MAPKAPK5: variants seen among roughly 807,000 people sequenced by gnomAD.
MAPKAPK5 encodes the protein MAPK activated protein kinase 5, also known as MAP kinase-activated protein kinase 5.
In MAPKAPK5, 30 loss-of-function variants were observed where a neutral mutation model predicts 65.1. The observed-to-expected ratio is 0.46, with a 90% CI of 0.34 to 0.63. The LOEUF (loss-of-function observed/expected upper bound fraction) is 0.63. MAPKAPK5 is among the 20% of genes least tolerant of loss of function. MAPKAPK5 has a pLI of 0.01. For synonymous variants in MAPKAPK5, 179 were observed against 204.6 expected, an observed-to-expected ratio of 0.87 and a Z score of 1.07; for missense variants, 433 against 581.4, an observed-to-expected ratio of 0.74 and a Z score of 2.63.
chr12:111,842,710 C>T lies in MAPKAPK5; in HGVS notation c.-24C>T. On this transcript the variant is annotated 5_prime_UTR_variant, in exon 1 of 14. Coordinates refer to ENST00000550735, the MANE Select transcript of MAPKAPK5 (RefSeq NM_003668.4). ...GGCTGCTGAGCAGCCTCCGCCTCTC[C>T]CGGCTGTGGGGGCCCCACTGAGTAT... 1 of 1,372,928 alleles carries T rather than the reference C, an allele frequency of 7.3e-7. No homozygotes were observed. Among genetic ancestry groups the T allele is most frequent in the Non-Finnish European group, 9.5e-7 (1 of 1,057,556 alleles). 85.0% of individuals were successfully genotyped at this position (1,372,928 alleles called of 1,614,324 possible).
chr12:111,864,608 T>C (rs568517151), intron 1 of MAPKAPK5, among the ~76,000 whole-genome samples: 15 of 152,350 alleles, frequency 9.8e-5, no homozygotes, highest in African/African-American at 3.1e-4. Flanking sequence ...AAGAATTCCA[T>C]TACAACTTTC....
rs150741160 is a variant in MAPKAPK5, at chr12:111,856,811, A to G, written c.37-8439A>G. Among the ~76,000 whole-genome samples, 536 of 152,306 alleles carry G rather than the reference A, an allele frequency of 3.5e-3. 4 individuals carry two copies. The highest frequency in any genetic ancestry group is 0.012 in the African/African-American group (510 of 41,556). ...TTATTTGTTTATGCAGTTAAATCTT[A>G]TGTGTTTTAAATAAGAGAGAAAGGA... On this transcript the variant is annotated intron_variant, in intron 1 of 13. Transcript: ENST00000550735.
intron 11 of MAPKAPK5, 106 bp from the exon 12 acceptor site, chr12:111,888,779 G>A: frequency 6.6e-7 from 1 of 1,520,116 alleles, no homozygotes; most frequent in Non-Finnish European, 8.9e-7. Flanking sequence ...GGACACTATT[G>A]TTATTTTTCT....
chr12:111,895,986 G>C lies in MAPKAPK5; in HGVS notation c.*2925G>C, dbSNP rs2070797795. On this transcript the variant is annotated 3_prime_UTR_variant, in exon 14 of 14. Coordinates refer to ENST00000550735, the MANE Select transcript of MAPKAPK5 (RefSeq NM_003668.4). ...TCTTACAGATCACTTCTTACAGTTA[G>C]GAATACTGCACTTGTTTGTGTAATA... is the stretch of plus-strand genomic sequence containing the variant. 1 of 152,068 alleles carries C rather than the reference G, an allele frequency of 6.6e-6. No homozygotes were observed. Among genetic ancestry groups the C allele is most frequent in the African/African-American group, 2.4e-5 (1 of 41,402 alleles). The allele number at this position is 152,068 out of a possible 1,614,324, so 9.4% of individuals were successfully genotyped here.
At chr12:111,884,565 G>A (rs1188336623) in intron 9 of MAPKAPK5, among the ~76,000 whole-genome samples, 1 of 152,228 alleles carries the variant, frequency 6.6e-6, no homozygotes, top group Non-Finnish European at 1.5e-5. Flanking sequence ...CTAGTGAGTG[G>A]ATGAGGGAGA....
At chr12:111,850,945 C>CTGGAG (rs2069061484) in intron 1 of MAPKAPK5, among the ~76,000 whole-genome samples, 1 of 148,936 alleles carries the variant, frequency 6.7e-6, no homozygotes, top group Non-Finnish European at 1.5e-5. Context: ...GTGGCCCAGG[C>CTGGAG]TGGAGTGCAG....
rs972118201 is a variant in MAPKAPK5 at position 111,888,379 on chromosome 12, G to A, written c.970-109G>A. On this transcript the variant is annotated intron_variant, in intron 10 of 13. Coordinates refer to ENST00000550735, the MANE Select transcript of MAPKAPK5 (RefSeq NM_003668.4). ...ATATTTATATTCCTTCAGCATAAGA[G>A]TGAAATTACCTTCTTAGTACTTTGA... The A allele has an allele frequency of 3.5e-6, 5 of 1,428,040 alleles. No homozygotes were observed. The African/African-American group carries it at 7.2e-5, about 20-fold the overall frequency. The allele number at this position is 1,428,040 out of a possible 1,614,324, so 88.5% of individuals were successfully genotyped here.
intron 7 of MAPKAPK5, among the ~76,000 whole-genome samples, chr12:111,872,512 T>C (rs1338225256): frequency 3.3e-5 from 5 of 152,220 alleles, no homozygotes; most frequent in Non-Finnish European, 5.9e-5. Context: ...ACAGGTTCTT[T>C]GCCATATGTA....
rs1393643453 is a variant in MAPKAPK5 at position 111,893,086 on chromosome 12, T to TAACA, written c.*27_*30dup. On this transcript the variant is annotated 3_prime_UTR_variant, in exon 14 of 14. Transcript: ENST00000550735. ...ATGACAGCTTCAGACTTTGTTTTTTTAACAATTTGAAAAATTATTCTTTAA... is the reference window on the plus strand; with the variant it reads ...ATGACAGCTTCAGACTTTGTTTTTTTAACAAACAATTTGAAAAATTATTCTTTAA... The TAACA allele has an allele frequency of 6.8e-6, 10 of 1,480,932 alleles. No homozygotes were observed. The highest frequency in any genetic ancestry group is 2.3e-5 in the Admixed American group (1 of 43,370). 91.7% of individuals were successfully genotyped at this position (1,480,932 alleles called of 1,614,324 possible).
At position 111,892,859 on chromosome 12, in the gene MAPKAPK5, GT is replaced by G. The variant is rs373128444; in HGVS notation, c.1322-107del. Reference sequence around the variant, plus strand: ...AGTGGTGGGGGTGGTTCCCCCACTGGTGAGGGTGAATTTGATACTGGTAAGG... The same window carrying G: ...AGTGGTGGGGGTGGTTCCCCCACTGGGAGGGTGAATTTGATACTGGTAAGG... On this transcript the variant is annotated intron_variant, in intron 13 of 13. Transcript: ENST00000550735. 1,155 of 675,742 alleles carry G rather than the reference GT, an allele frequency of 1.7e-3. 4 individuals are homozygous for G. The African/African-American group carries it at 0.018, about 10-fold the overall frequency. The allele number at this position is 675,742 out of a possible 1,614,324, so 41.9% of individuals were successfully genotyped here.
intron 1 of MAPKAPK5, among the ~76,000 whole-genome samples, chr12:111,852,638 C>T (rs1770121444): frequency 6.6e-6 from 1 of 152,106 alleles, no homozygotes; most frequent in African/African-American, 2.4e-5. Context: ...TTAACCTTCA[C>T]GTTGTTCAAG....
Position 111,899,863 on chromosome 12 carries a change from A to T in MAPKAPK5, c.*6802A>T. ...ATGTGTTATACACCATGGCACATCAAGCGTGAGTCTCCTGTGGTGTCTACT... is the reference window on the plus strand; with the variant it reads ...ATGTGTTATACACCATGGCACATCATGCGTGAGTCTCCTGTGGTGTCTACT... On this transcript the variant is annotated 3_prime_UTR_variant, in exon 14 of 14. Transcript: ENST00000550735. 1 of 454,428 alleles carries T rather than the reference A, an allele frequency of 2.2e-6. No homozygotes were observed. Among genetic ancestry groups the T allele is most frequent in the Non-Finnish European group, 4.4e-6 (1 of 225,406 alleles). The allele number at this position is 454,428 out of a possible 1,614,324, so 28.1% of individuals were successfully genotyped here.
At chr12:111,853,741 G>T (rs570632854) in intron 1 of MAPKAPK5, among the ~76,000 whole-genome samples, 1 of 152,214 alleles carries the variant, frequency 6.6e-6, no homozygotes, top group South Asian at 2.1e-4. Context: ...CATCTTGTTG[G>T]TCAGGCTGGT....
Position 111,883,262 on chromosome 12 carries a change from C to G in MAPKAPK5, c.661-319C>G, listed in dbSNP as rs1171883620. 6.6e-6 allele frequency among the ~76,000 whole-genome samples: 1 copy of G among 152,078 alleles called. No individual in the cohort carries two copies. The highest frequency in any genetic ancestry group is 1.5e-5 in the Non-Finnish European group (1 of 68,006). On this transcript the variant is annotated intron_variant, in intron 8 of 13. Transcript: ENST00000550735. This position sits in a 1 kb window ranked among gnomAD's most constrained non-coding sequence, Gnocchi z 4.8. ...GGCATGGTGGCACATGCCTGTAATC[C>G]CAGCTACTCAGGAGGCTGAGGCAGG...
intron 2 of MAPKAPK5, among the ~76,000 whole-genome samples, chr12:111,865,680 AC>A (rs1310678578): frequency 2.0e-5 from 3 of 151,804 alleles, no homozygotes; most frequent in African/African-American, 4.8e-5. Flanking sequence ...TCCTAAAGAT[AC>A]AAAAATTAGC....
At chr12:111,884,242 G>A (rs796698854) in intron 9 of MAPKAPK5, among the ~76,000 whole-genome samples, 1 of 152,132 alleles carries the variant, frequency 6.6e-6, no homozygotes, top group Non-Finnish European at 1.5e-5. Context: ...ATGGAGTCTC[G>A]CTCTGTTGCC....
At chr12:111,843,309 A>G (rs147552398) in intron 1 of MAPKAPK5, 13 of 398,562 alleles carry the variant, frequency 3.3e-5, no homozygotes, top group Non-Finnish European at 4.9e-5. Context: ...TTCTCCTAGG[A>G]AGCATTGAGT....
chr12:111,858,777 A>G (rs112877816), intron 1 of MAPKAPK5, among the ~76,000 whole-genome samples: 1 of 145,914 alleles, frequency 6.9e-6, no homozygotes, highest in Non-Finnish European at 1.5e-5. Flanking sequence ...TCCTGACCTC[A>G]TGATCCGCCC....
intron 1 of MAPKAPK5, among the ~76,000 whole-genome samples, chr12:111,854,238 T>C (rs1257146215): frequency 6.6e-6 from 1 of 151,502 alleles, no homozygotes; most frequent in African/African-American, 2.4e-5. Flanking sequence ...TTTCTTTTTC[T>C]TTTTCTTTTT....
Sources: allele counts gnomAD v4.1 joint callset (sites outside exome capture counted in the v4.1 genomes callset), GRCh38; gene constraint gnomAD v4.1.1; non-coding constraint Gnocchi (gnomAD v3.1); transcripts MANE v1.5; gene names NCBI Gene and HGNC (gene_info 2026-07-23, HGNC 2026-07-21).